Variants in PHC3 observed in about 807,000 individuals in gnomAD.
PHC3 encodes polyhomeotic-like protein 3.
A neutral mutation model predicts 107.4 loss-of-function variants in PHC3; 13 were observed. The observed-to-expected ratio is 0.12, with a 90% confidence interval of 0.08 to 0.19. The LOEUF is 0.19. PHC3 is among the 10% of genes least tolerant of loss of function. The pLI, the probability that PHC3 is intolerant of heterozygous loss-of-function variation, is 1.00. For missense variants in PHC3, 992 were observed against 1,210.9 expected, an observed-to-expected ratio of 0.82 and a Z score of 2.68; for synonymous variants, 456 against 427.4, an observed-to-expected ratio of 1.07 and a Z score of -0.83.
chr3:170,128,636 TTTTAC>T lies in PHC3; in HGVS notation c.1788+43_1788+47del, dbSNP rs763600029. On this transcript the variant is annotated intron_variant, in intron 8 of 14. Coordinates refer to ENST00000495893, the MANE Select transcript of PHC3 (RefSeq NM_024947.4). ...AAAACATAGTGTGGGAAAAAATAGT[TTTTAC>T]TTTCAGTTCAGCAAGAAAGTCAAAG... is the stretch of plus-strand genomic sequence containing the variant. The T allele has an allele frequency of 1.3e-5, 21 of 1,562,208 alleles. No individual in the cohort carries two copies. The African/African-American group carries it at 2.8e-4, about 20-fold the overall frequency.
intron 4 of PHC3, among the ~76,000 whole-genome samples, chr3:170,166,970 T>TA (rs893653369): frequency 2.0e-5 from 3 of 152,180 alleles, no homozygotes; most frequent in Non-Finnish European, 2.9e-5. Context: ...ATGTACGTTT[T>TA]AAAGTTTAAC....
At chr3:170,174,277 A>T (rs182928921) in intron 2 of PHC3, among the ~76,000 whole-genome samples, 3,481 of 152,158 alleles carry the variant, frequency 0.023, 132 homozygotes, top group African/African-American at 0.08. Flanking sequence ...TAATTTAAAA[A>T]ATTTTTAAAT....
intron 4 of PHC3, chr3:170,169,701 A>AT (rs1729287400): frequency 6.6e-6 from 1 of 152,246 alleles, no homozygotes; most frequent in Non-Finnish European, 1.5e-5. Context: ...TGTCACATAC[A>AT]TAAAGCCATA....
At chr3:170,172,531 CT>C (rs751390490) in intron 3 of PHC3, 25 bp downstream of exon 3, 1 of 1,599,640 alleles carries the variant, frequency 6.3e-7, no homozygotes, top group Admixed American at 1.8e-5. Flanking sequence ...AAACTTTGAT[CT>C]CATAAACTCT....
At chr3:170,157,185 C>T (rs1453681775) in intron 4 of PHC3, among the ~76,000 whole-genome samples, 1 of 152,130 alleles carries the variant, frequency 6.6e-6, no homozygotes, top group East Asian at 1.9e-4. Context: ...TGAGATTGAT[C>T]TCTGTCTGCA....
intron 5 of PHC3, among the ~76,000 whole-genome samples, chr3:170,146,425 C>T (rs192239416): frequency 3.3e-5 from 5 of 150,920 alleles, no homozygotes; most frequent in Admixed American, 3.3e-4. Flanking sequence ...GTAAATGCCA[C>T]ACATGTAAAA....
intron 2 of PHC3, among the ~76,000 whole-genome samples, chr3:170,175,700 G>A (rs1032265784): frequency 5.9e-5 from 9 of 151,776 alleles, no homozygotes; most frequent in Admixed American, 3.3e-4. Context: ...CGAGGCGGGC[G>A]GATTACCAGC....
At chr3:170,124,104 T>G (rs2108432573) in intron 8 of PHC3, among the ~76,000 whole-genome samples, 1 of 152,242 alleles carries the variant, frequency 6.6e-6, no homozygotes, top group Non-Finnish European at 1.5e-5. Flanking sequence ...TGCCTTGGCC[T>G]CCCAAAGTGC....
chr3:170,171,756 T>C (rs1010679120), intron 3 of PHC3, among the ~76,000 whole-genome samples: 3 of 152,138 alleles, frequency 2.0e-5, no homozygotes, highest in African/African-American at 4.8e-5. Context: ...AAAAAGAAAT[T>C]AGAGCTACAG....
At chr3:170,120,468 G>C (rs548813254) in intron 9 of PHC3, among the ~76,000 whole-genome samples, 4 of 151,680 alleles carry the variant, frequency 2.6e-5, no homozygotes, top group Admixed American at 2.6e-4. Context: ...AGCTACTCAG[G>C]ATACTGAAGC....
At chr3:170,106,724 C>T (rs1716594764) in intron 12 of PHC3, 108 bp downstream of exon 12, 2 of 572,898 alleles carry the variant, frequency 3.5e-6, no homozygotes, top group Admixed American at 3.7e-5. Flanking sequence ...TATAATATTA[C>T]ATATTAAAAT....
intron 9 of PHC3, among the ~76,000 whole-genome samples, chr3:170,121,437 T>C (rs993550669): frequency 9.2e-5 from 14 of 152,180 alleles, no homozygotes; most frequent in African/African-American, 2.9e-4. Flanking sequence ...ATACCTAGAA[T>C]ACACAGTAGC....
intron 6 of PHC3, among the ~76,000 whole-genome samples, chr3:170,137,809 G>C (rs1450014737): frequency 1.3e-5 from 2 of 152,042 alleles, no homozygotes; most frequent in Admixed American, 1.3e-4. Context: ...TGAGGCAGGA[G>C]AATCACTTGA....
chr3:170,147,229 T>G (rs186115953), intron 5 of PHC3: 7 of 152,352 alleles, frequency 4.6e-5, no homozygotes, highest in Admixed American at 1.3e-4. Context: ...TTCAATTTAG[T>G]AAATTTGACA....
Position 170,129,007 on chromosome 3 carries a change from G to A in PHC3, c.1465C>T (p.Pro489Ser), listed in dbSNP as rs760376338. 2.4e-5 allele frequency: 39 copies of A among 1,613,590 alleles called. No homozygotes were observed. Among genetic ancestry groups the A allele is most frequent in the Non-Finnish European group, 3.3e-5 (39 of 1,179,756 alleles). The change falls in exon 8 of 15, where the codon CCA becomes TCA. Residue 489 changes from proline to serine, a missense_variant. This residue lies in a region of PHC3 where 543 missense variants were observed against 590.8 expected (regional missense o/e 0.92). Transcript: ENST00000495893. Reference sequence around the variant, plus strand: ...GATGGAGAGACAATCTGCTGGCCTGGGGATACCAAGGCAGACTGCTGAACT... The same window carrying A: ...GATGGAGAGACAATCTGCTGGCCTGAGGATACCAAGGCAGACTGCTGAACT... ...GPVQQSALVS[P>S]GQQIVSPSHQ...
chr3:170,114,806 C>A (rs1319222026), intron 10 of PHC3, among the ~76,000 whole-genome samples: 1 of 152,184 alleles, frequency 6.6e-6, no homozygotes, highest in African/African-American at 2.4e-5. Context: ...CCAATATCTG[C>A]CACATATGGG....
chr3:170,107,091 G>A (rs1560026914), intron 11 of PHC3, 145 bp from the exon 12 acceptor site: 2 of 521,664 alleles, frequency 3.8e-6, no homozygotes, highest in African/African-American at 1.9e-5. Context: ...CAGGGCAAAA[G>A]CCTTCAAAAC....
At chr3:170,167,960 C>G (rs144588811) in intron 4 of PHC3, among the ~76,000 whole-genome samples, 10 of 151,910 alleles carry the variant, frequency 6.6e-5, no homozygotes, top group African/African-American at 2.4e-4. Context: ...AGTTCGAGAC[C>G]AGTCTGCCTG....
At position 170,139,262 on chromosome 3, in the gene PHC3, C is replaced by T. The variant is rs890765033; in HGVS notation, c.673-2597G>A. Among the ~76,000 whole-genome samples the T allele has an allele frequency of 2.6e-5, 4 of 152,190 alleles. 1 individual carries two copies. The highest frequency in any genetic ancestry group is 3.8e-4 in the East Asian group (2 of 5,200). On this transcript the variant is annotated intron_variant, in intron 6 of 14. Coordinates refer to ENST00000495893, the MANE Select transcript of PHC3 (RefSeq NM_024947.4). ...ATATATGATTTTGAAATATATATTA[C>T]ATGGCTAATTTTTTGGTAAGCACTT...
Sources: gnomAD v4.1 joint callset for allele counts (sites outside exome capture counted in the v4.1 genomes callset) on GRCh38, gnomAD v4.1.1 for gene constraint, gnomAD v4.1.1 regional missense constraint, MANE v1.5 for transcripts, NCBI Gene and HGNC (gene_info 2026-07-23, HGNC 2026-07-21) for gene names.